The following FNDC3B variants were observed in gnomAD, a reference collection of about 807,000 sequenced individuals.
FNDC3B encodes the protein fibronectin type III domain-containing protein 3B.
In FNDC3B, 12 loss-of-function variants were observed where a neutral mutation model predicts 151.5. The ratio of observed to expected loss-of-function variants is 0.08; its 90% CI spans 0.05 to 0.13. The LOEUF is 0.13. Among genes scored for constraint, FNDC3B ranks in the 10% least tolerant of loss-of-function variants. The pLI, the probability that FNDC3B is intolerant of heterozygous loss-of-function variation, is 1.00. For missense variants in FNDC3B, 1,214 were observed against 1,505.3 expected (o/e 0.81, Z 3.20); for synonymous variants, 528 against 549.0 (o/e 0.96, Z 0.54).
intron 4 of FNDC3B, among the ~76,000 whole-genome samples, chr3:172,241,414 T>C (rs1372885430): frequency 6.6e-6 from 1 of 152,202 alleles, no homozygotes; most frequent in African/African-American, 2.4e-5. Flanking sequence ...TATTTTCCAT[T>C]TTCAAGCTGC....
chr3:172,305,790 G>A (rs1157484269), intron 9 of FNDC3B, among the ~76,000 whole-genome samples: 1 of 152,186 alleles, frequency 6.6e-6, no homozygotes, highest in Non-Finnish European at 1.5e-5. Context: ...CCCTGCCCAT[G>A]TCTGGAACAT....
intron 3 of FNDC3B, among the ~76,000 whole-genome samples, chr3:172,148,722 G>A (rs1047402132): frequency 6.6e-6 from 1 of 152,178 alleles, no homozygotes; most frequent in Non-Finnish European, 1.5e-5. Context: ...GCCAGACTGA[G>A]TATTATTAGT....
chr3:172,301,383 A>G (rs1730903494), intron 9 of FNDC3B, among the ~76,000 whole-genome samples: 1 of 152,188 alleles, frequency 6.6e-6, no homozygotes, highest in South Asian at 2.1e-4. Context: ...AAGGAGCAAA[A>G]TCTCTTTTTA....
intron 22 of FNDC3B, among the ~76,000 whole-genome samples, chr3:172,356,332 G>A (rs1346888409): frequency 6.6e-6 from 1 of 152,152 alleles, no homozygotes; most frequent in Non-Finnish European, 1.5e-5. Context: ...TTAAAAAGGG[G>A]ATAATAATTT....
chr3:172,375,565 C>T (rs1735089131), intron 23 of FNDC3B, among the ~76,000 whole-genome samples: 1 of 152,174 alleles, frequency 6.6e-6, no homozygotes, highest in Non-Finnish European at 1.5e-5. Context: ...TATTTCCATA[C>T]ACATTCTGAG....
rs1560377992 is a variant in FNDC3B at position 172,041,401 on chromosome 3, C to CTTTT, written c.-29+1631_-29+1632insTTTT. ...TTTCTTTCTTTTTCTTTCTTTCTTT[C>CTTTT]TCCTTCTCTCTCCTTCCTTCCTTCC... On this transcript the variant is annotated intron_variant, in intron 1 of 25. Coordinates refer to ENST00000415807, the MANE Select transcript of FNDC3B (RefSeq NM_022763.4). 3.4e-4 allele frequency among the ~76,000 whole-genome samples: 49 copies of CTTTT among 142,366 alleles called. No individual in the cohort carries two copies. In the East Asian group the frequency reaches 6.7e-3, roughly 19 times the overall value. 93.4% of individuals were successfully genotyped at this position (142,366 alleles called of 152,430 possible). A position where few individuals can be genotyped will look rare whatever the true frequency, so the allele number is the denominator to read the frequency against.
intron 3 of FNDC3B, among the ~76,000 whole-genome samples, chr3:172,156,626 A>G (rs986268452): frequency 1.3e-5 from 2 of 152,072 alleles, no homozygotes; most frequent in Non-Finnish European, 2.9e-5. Flanking sequence ...ATCCTTTGCT[A>G]ATTGAACCTG....
In FNDC3B at chr3:172,133,513, A is replaced by G. The variant is rs1576895155; in HGVS notation, c.154A>G (p.Arg52Gly). ...TAATCCAGGTGAGACTTTCACAATA[A>G]GAGCAGAGGATGGAACACTTCAGTG... ...QVNPGETFTI[R>G]AEDGTLQCIQ... Residue 52 changes from arginine (R) to glycine (G), a missense_variant, in exon 3 of 26, where the codon AGA becomes GGA. By Grantham distance (125) the Arg-to-Gly change is moderately radical. This residue lies in a region of FNDC3B where 113 missense variants were observed against 177.8 expected (regional missense o/e 0.64). Transcript: ENST00000415807. The G allele has an allele frequency of 5.0e-6, 8 of 1,613,538 alleles. No individual in the cohort carries two copies. The highest frequency in any genetic ancestry group is 5.9e-6 in the Non-Finnish European group (7 of 1,179,496).
At chr3:172,200,288 C>A (rs973281915) in intron 3 of FNDC3B, among the ~76,000 whole-genome samples, 3 of 152,196 alleles carry the variant, frequency 2.0e-5, no homozygotes, top group Admixed American at 1.3e-4. Context: ...GGGGAAACTC[C>A]ACACAGAGGC....
intron 3 of FNDC3B, among the ~76,000 whole-genome samples, chr3:172,173,539 A>T (rs1242042587): frequency 1.3e-5 from 2 of 151,880 alleles, no homozygotes; most frequent in Admixed American, 6.6e-5. Context: ...TCACACCTGT[A>T]ATACCAGCAC....
At chr3:172,313,811 G>A (rs1289809378) in intron 11 of FNDC3B, among the ~76,000 whole-genome samples, 1 of 152,164 alleles carries the variant, frequency 6.6e-6, no homozygotes, top group Non-Finnish European at 1.5e-5. Flanking sequence ...AATTCAAGCA[G>A]TAGTAACAAG....
chr3:172,283,751 C>T (rs952492424), intron 6 of FNDC3B, among the ~76,000 whole-genome samples: 1 of 151,988 alleles, frequency 6.6e-6, no homozygotes, highest in Non-Finnish European at 1.5e-5. Flanking sequence ...TTCTAACCGG[C>T]AGTTATCTCT....
chr3:172,356,908 C>G (rs955685672), intron 22 of FNDC3B, among the ~76,000 whole-genome samples: 1 of 152,138 alleles, frequency 6.6e-6, no homozygotes, highest in African/African-American at 2.4e-5. Flanking sequence ...CACCCACACT[C>G]TTGACATCCC....
intron 7 of FNDC3B, 102 bp from the exon 8 acceptor site, chr3:172,295,261 G>C: frequency 9.1e-7 from 1 of 1,095,156 alleles, no homozygotes. Context: ...AATTAAACTA[G>C]TTTACCTTGG....
At chr3:172,315,961 G>A (rs574260752) in intron 11 of FNDC3B, among the ~76,000 whole-genome samples, 1 of 147,836 alleles carries the variant, frequency 6.8e-6, no homozygotes, top group African/African-American at 2.5e-5. Context: ...AAGCTACATT[G>A]ACCCTGCATT....
chr3:172,213,064 T>C (rs919923641), intron 3 of FNDC3B, among the ~76,000 whole-genome samples: 2 of 152,232 alleles, frequency 1.3e-5, no homozygotes, highest in African/African-American at 4.8e-5. Flanking sequence ...CTTTTTCTTT[T>C]TCTTCCATGT....
At chr3:172,305,099 C>T (rs1731129165) in intron 9 of FNDC3B, among the ~76,000 whole-genome samples, 1 of 152,128 alleles carries the variant, frequency 6.6e-6, no homozygotes, top group Non-Finnish European at 1.5e-5. Flanking sequence ...CATCACTCAA[C>T]TTCTGTTACC....
At chr3:172,084,388 C>T (rs1292281703) in intron 1 of FNDC3B, among the ~76,000 whole-genome samples, 1 of 151,180 alleles carries the variant, frequency 6.6e-6, no homozygotes, top group Non-Finnish European at 1.5e-5. Context: ...GAGGTCAAGG[C>T]TGTGGTGAGC....
chr3:172,174,944 C>CCCCCCCCCCG (rs924176605), intron 3 of FNDC3B, among the ~76,000 whole-genome samples: 20 of 50,740 alleles, frequency 3.9e-4, no homozygotes, highest in Middle Eastern at 0.014. Context: ...CCCCCCCCCC[C>CCCCCCCCCCG]CCAATACAAT....
Sources: gnomAD v4.1 joint callset for allele counts (sites outside exome capture counted in the v4.1 genomes callset) on GRCh38, gnomAD v4.1.1 for gene constraint, gnomAD v4.1.1 regional missense constraint, MANE v1.5 for transcripts, NCBI Gene and HGNC (gene_info 2026-07-23, HGNC 2026-07-21) for gene names.